Variants in GOLGA6L2 observed in about 807,000 individuals in gnomAD.
GOLGA6L2 encodes the protein golgin subfamily A member 6-like protein 2.
In GOLGA6L2, 30 loss-of-function variants were observed where a neutral mutation model predicts 35.9. The ratio of observed to expected loss-of-function variants is 0.83; its 90% CI spans 0.62 to 1.13. The LOEUF (loss-of-function observed/expected upper bound fraction) is 1.13, where lower values mean the gene tolerates loss of function less well. GOLGA6L2 is among the 50% of genes most tolerant of loss of function. The pLI is 0.00. For synonymous variants in GOLGA6L2, 297 were observed against 344.0 expected, an observed-to-expected ratio of 0.86 and a Z score of 1.51; for missense variants, 821 against 973.4, an observed-to-expected ratio of 0.84 and a Z score of 2.08.
At chr15:23,444,374 C>A in intron 3 of GOLGA6L2, 97 bp downstream of exon 3, 1 of 1,499,676 alleles carries the variant, frequency 6.7e-7, no homozygotes, top group Non-Finnish European at 9.2e-7. Context: ...GGTGAGCCTT[C>A]TTCCCCAAGC....
chr15:23,442,349 C>A (rs539485871), intron 6 of GOLGA6L2, 101 bp downstream of exon 6: 108 of 1,346,742 alleles, frequency 8.0e-5, no homozygotes, highest in East Asian at 4.5e-4. Context: ...ACATGTAAAC[C>A]TGTATGACCC....
rs1328457024 is a variant in GOLGA6L2, at chr15:23,441,425, C to T, written c.1050G>A (p.Met350Ile). The T allele has an allele frequency of 2.8e-6, 4 of 1,430,398 alleles. No individual in the cohort carries two copies. In the East Asian group the frequency reaches 1.1e-4, roughly 41 times the overall value. The allele number at this position is 1,430,398 out of a possible 1,614,324, so 88.6% of individuals were successfully genotyped here. Reference protein sequence around the residue: ...QKKLREQEEQMQEQEEKMWEQ... With the variant: ...QKKLREQEEQIQEQEEKMWEQ... ...CCCACATCTTCTCCTCCTGCTCCTG[C>T]ATCTGCTCCTCCTGCTCCCGCAGCT... is the stretch of plus-strand genomic sequence containing the variant. Residue 350 changes from methionine to isoleucine, a missense_variant, in exon 8 of 8, where the codon ATG becomes ATA. By Grantham distance (10) the Met-to-Ile change is conservative. This residue lies in a region of GOLGA6L2 where 614 missense variants were observed against 632.3 expected (regional missense o/e 0.97). Coordinates refer to ENST00000567107, the MANE Select transcript of GOLGA6L2 (RefSeq NM_001304388.2).
chr15:23,441,958 C>G (rs138404344), intron 7 of GOLGA6L2, 21 bp downstream of exon 7: 17,773 of 1,540,718 alleles, frequency 0.012, 186 homozygotes, highest in South Asian at 0.033. Flanking sequence ...TCCCACAACC[C>G]CTGGGGCTGC....
At position 23,440,694 on chromosome 15, in the gene GOLGA6L2, G is replaced by T. The variant is rs1335392284; in HGVS notation, c.1781C>A (p.Ala594Glu). ...TGCTGCCACATCTTCTTCTGCTCCC[G>T]CATTCTCTCCTCCTTCTCCCGCAGC... The part of the protein sequence containing the change: ...REAAGEGGEN[A>E]GAEEDVAAGG... The change falls in exon 8 of 8, where the codon GCG (alanine) becomes GAG (glutamate). Residue 594 changes from alanine to glutamate, a missense_variant. Physicochemically the swap from Ala to Glu is moderately radical, Grantham distance 107. Transcript: ENST00000567107. 29 of 1,467,824 alleles carry T rather than the reference G, an allele frequency of 2.0e-5. No individual in the cohort carries two copies. Among genetic ancestry groups the T allele is most frequent in the Non-Finnish European group, 2.6e-5 (28 of 1,094,250 alleles). The allele number at this position is 1,467,824 out of a possible 1,614,324, so 90.9% of individuals were successfully genotyped here.
intron 7 of GOLGA6L2, 129 bp downstream of exon 7, chr15:23,441,850 T>C (rs2070697291): frequency 2.2e-6 from 3 of 1,371,280 alleles, no homozygotes; most frequent in Non-Finnish European, 1.9e-6. Flanking sequence ...GAGGATTCTA[T>C]GGTGGGACCA....
Position 23,445,672 on chromosome 15 carries a change from C to T in GOLGA6L2, c.85-234G>A, listed in dbSNP as rs369947376. On this transcript the variant is annotated intron_variant, in intron 1 of 7. Transcript: ENST00000567107. ...TGAGCTCTGGGGTTTTGCCACAAAT[C>T]GCAGCTGCCAGGGGCCAAAACCAGA... Among the ~76,000 whole-genome samples, 4 of 152,254 alleles carry T rather than the reference C, an allele frequency of 2.6e-5. No individual in the cohort carries two copies. In the East Asian group the frequency reaches 7.7e-4, roughly 29 times the overall value.
Position 23,441,959 on chromosome 15 carries a change from C to T in GOLGA6L2, c.792+20G>A. The T allele has an allele frequency of 6.5e-7, 1 of 1,541,052 alleles. No individual in the cohort carries two copies. Reference sequence around the variant, plus strand: ...TAGCTGGATGGGTCTCCCACAACCCCTGGGGCTGCAGCCGCTCACCTGTGG... The same window carrying T: ...TAGCTGGATGGGTCTCCCACAACCCTTGGGGCTGCAGCCGCTCACCTGTGG... On this transcript the variant is annotated intron_variant, in intron 7 of 7. Transcript: ENST00000567107.
intron 1 of GOLGA6L2, 131 bp downstream of exon 1, chr15:23,446,967 A>G: frequency 1.8e-6 from 1 of 551,192 alleles, no homozygotes. Context: ...TGATTGGGGG[A>G]GCCCAGCGGC....
At position 23,442,492 on chromosome 15, in the gene GOLGA6L2, G is replaced by A; in HGVS notation, c.608C>T (p.Thr203Ile). 6.3e-7 allele frequency: 1 copy of A among 1,594,576 alleles called. No individual in the cohort carries two copies. The highest frequency in any genetic ancestry group is 8.5e-7 in the Non-Finnish European group (1 of 1,177,784). ...CAGACTCAGGGCGTCCCTCTCCTTT[G>A]TTAACTCCTCGATGTACTGCAAATA... ...KKADRYIEEL[T>I]KERDALSLEL... The change falls in exon 6 of 8, where the codon ACA becomes ATA. Residue 203 changes from threonine (T) to isoleucine (I), a missense_variant. By Grantham distance (89) the Thr-to-Ile change is moderately conservative (BLOSUM62 -1). This residue lies in a region of GOLGA6L2 where 614 missense variants were observed against 632.3 expected (regional missense o/e 0.97). Coordinates refer to ENST00000567107, the MANE Select transcript of GOLGA6L2 (RefSeq NM_001304388.2).
chr15:23,439,633 G>T lies in GOLGA6L2; in HGVS notation c.*112C>A. ...TGCCTAATCCTGGGCACTGCTGGGCGTTCTTCATCCCACAAAACAGCTGCA... is the reference window on the plus strand; with the variant it reads ...TGCCTAATCCTGGGCACTGCTGGGCTTTCTTCATCCCACAAAACAGCTGCA... On this transcript the variant is annotated 3_prime_UTR_variant, in exon 8 of 8. Transcript: ENST00000567107. The T allele has an allele frequency of 6.5e-7, 1 of 1,536,268 alleles. No individual in the cohort carries two copies. Among genetic ancestry groups the T allele is most frequent in the South Asian group, 1.2e-5 (1 of 84,028 alleles).
rs1429162765 is a variant in GOLGA6L2, at chr15:23,441,626, C to T, written c.849G>A (p.Glu283=). Residue 283 remains glutamate (E), a synonymous_variant, in exon 8 of 8, where the codon GAG becomes GAA. Transcript: ENST00000567107. ...CCTGCTTCCGTATCTTCTTTTCCTG[C>T]TCCCGTAGCTCCTCCTCCTGCCTCC... is the stretch of plus-strand genomic sequence containing the variant. ...EMWRQEEELR[E]QEKKIRKQEE... The T allele has an allele frequency of 5.0e-5, 78 of 1,544,840 alleles. No individual in the cohort carries two copies. Among genetic ancestry groups the T allele is most frequent in the Non-Finnish European group, 6.2e-5 (71 of 1,144,772 alleles).
chr15:23,441,686 A>C lies in GOLGA6L2; in HGVS notation c.793-4T>G, dbSNP rs1247594889. ...CCTGCAAAGTGTTGGTTTGAACCTC[A>C]AAAGGAAATAGACTTATGAACTAGC... On this transcript the variant is annotated splice_region_variant and splice_polypyrimidine_tract_variant and intron_variant, in intron 7 of 7. Coordinates refer to ENST00000567107, the MANE Select transcript of GOLGA6L2 (RefSeq NM_001304388.2). The C allele has an allele frequency of 6.7e-7, 1 of 1,492,070 alleles. No homozygotes were observed. The highest frequency in any genetic ancestry group is 2.5e-5 in the Admixed American group (1 of 40,598). The allele number at this position is 1,492,070 out of a possible 1,614,324, so 92.4% of individuals were successfully genotyped here.
At position 23,440,556 on chromosome 15, in the gene GOLGA6L2, G is replaced by T; in HGVS notation, c.1919C>A (p.Ala640Glu). The T allele has an allele frequency of 4.0e-6, 5 of 1,250,388 alleles. No homozygotes were observed. Among genetic ancestry groups the T allele is most frequent in the African/African-American group, 1.6e-5 (1 of 63,102 alleles). The allele number at this position is 1,250,388 out of a possible 1,614,324, so 77.5% of individuals were successfully genotyped here. Residue 640 changes from alanine to glutamate, a missense_variant, in exon 8 of 8, where the codon GCG becomes GAG. Physicochemically the swap from Ala to Glu is moderately radical, Grantham distance 107 (BLOSUM62 -1). Around this residue, in one of 7 missense-constraint regions of GOLGA6L2, gnomAD observed 99 missense variants for 199.9 expected, o/e 0.50. Coordinates refer to ENST00000567107, the MANE Select transcript of GOLGA6L2 (RefSeq NM_001304388.2). Reference sequence around the variant, plus strand: ...TCCCGCATCATCTCCTCCTCCTCCCGCATCTTCTTCTCCCGCTCCCGCATC... The same window carrying T: ...TCCCGCATCATCTCCTCCTCCTCCCTCATCTTCTTCTCCCGCTCCCGCATC... ...GEDAGAGEED[A>E]GGGGDDAGAG...
intron 7 of GOLGA6L2, 49 bp downstream of exon 7, chr15:23,441,930 G>C: frequency 2.6e-6 from 4 of 1,530,216 alleles, no homozygotes; most frequent in Non-Finnish European, 3.5e-6. Context: ...CTAGACCATG[G>C]TCCTAGCTGG....
chr15:23,439,806 G>A lies in GOLGA6L2; in HGVS notation c.2669C>T (p.Ala890Val). Residue 890 changes from alanine to valine, a missense_variant, in exon 8 of 8, where the codon GCT becomes GTT. By Grantham distance (64) the Ala-to-Val change is moderately conservative. Coordinates refer to ENST00000567107, the MANE Select transcript of GOLGA6L2 (RefSeq NM_001304388.2). ...GAGCACCGCTCCTCGTGCTCTGGCA[G>A]CCTCTCCTGCATCTTCTCTTTCTGA... is the stretch of plus-strand genomic sequence containing the variant. Reference protein sequence around the residue: ...TRSEREDAGEAARARGAVLRA... With the variant: ...TRSEREDAGEVARARGAVLRA... The A allele has an allele frequency of 6.5e-7, 1 of 1,531,304 alleles. No homozygotes were observed. Among genetic ancestry groups the A allele is most frequent in the Non-Finnish European group, 8.7e-7 (1 of 1,145,154 alleles). The allele number at this position is 1,531,304 out of a possible 1,614,324, so 94.9% of individuals were successfully genotyped here.
chr15:23,441,142 T>A lies in GOLGA6L2; in HGVS notation c.1333A>T (p.Lys445Ter). 6.5e-7 allele frequency: 1 copy of A among 1,528,852 alleles called. No homozygotes were observed. Among genetic ancestry groups the A allele is most frequent in the Non-Finnish European group, 8.8e-7 (1 of 1,140,864 alleles). 94.7% of individuals were successfully genotyped at this position (1,528,852 alleles called of 1,614,324 possible). The change falls in exon 8 of 8, where the codon AAG (lysine) becomes TAG (stop). Residue 445 changes from lysine (K) to a stop codon, truncating the protein, a stop_gained. Transcript: ENST00000567107. LOFTEE classifies it low-confidence loss of function (END_TRUNC). ...QEKKTRDQEEKMQEEERIRER... is the reference protein window; with the variant it reads ...QEKKTRDQEE ...CGTATCCTCTCCTCCTCTTGCATCTTCTCCTCCTGGTCCCGCGTCTTCTTC... is the reference window on the plus strand; with the variant it reads ...CGTATCCTCTCCTCCTCTTGCATCTACTCCTCCTGGTCCCGCGTCTTCTTC...
chr15:23,439,521 G>C lies in GOLGA6L2; in HGVS notation c.*224C>G. ...GACATGGCGGCTTATGCTTCTGTAG[G>C]CCTTGTTGACAGTGCCAACTTTTAG... On this transcript the variant is annotated 3_prime_UTR_variant, in exon 8 of 8. Transcript: ENST00000567107. The C allele has an allele frequency of 7.2e-7, 1 of 1,389,626 alleles. No individual in the cohort carries two copies. Among genetic ancestry groups the C allele is most frequent in the Non-Finnish European group, 9.8e-7 (1 of 1,019,178 alleles). 86.1% of individuals were successfully genotyped at this position (1,389,626 alleles called of 1,614,324 possible). A position where few individuals can be genotyped will look rare whatever the true frequency, so the allele number is the denominator to read the frequency against.
At chr15:23,443,679 C>T in intron 5 of GOLGA6L2, 98 bp downstream of exon 5, 2 of 985,896 alleles carry the variant, frequency 2.0e-6, no homozygotes, top group Non-Finnish European at 3.1e-6. Flanking sequence ...ATACTATCTT[C>T]TGGGCAGGAC....
chr15:23,442,624 C>T (rs1335935677), intron 5 of GOLGA6L2, 116 bp from the exon 6 acceptor site: 25 of 973,784 alleles, frequency 2.6e-5, no homozygotes, highest in African/African-American at 3.2e-5. Flanking sequence ...CCATCACACC[C>T]GACATGTTCT....
Sources: allele counts gnomAD v4.1 joint callset (sites outside exome capture counted in the v4.1 genomes callset), GRCh38; gene constraint gnomAD v4.1.1; regional missense constraint gnomAD v4.1.1; transcripts MANE v1.5; gene names NCBI Gene and HGNC (gene_info 2026-07-23, HGNC 2026-07-21).